SLC44A2: variants seen among roughly 807,000 people sequenced by gnomAD.
The protein encoded by SLC44A2 is solute carrier family 44 member 2 (CTL2 blood group), also known as choline transporter-like protein 2.
In SLC44A2, 57 loss-of-function variants were observed where a neutral mutation model predicts 90.8. The ratio of observed to expected loss-of-function variants is 0.63; its 90% CI spans 0.51 to 0.78. The LOEUF (loss-of-function observed/expected upper bound fraction) is 0.78. Ranked by LOEUF, SLC44A2 falls within the 30% of genes least tolerant of loss-of-function variation. The pLI is 0.00. For missense variants in SLC44A2, 794 were observed against 919.7 expected (o/e 0.86, Z 1.77); for synonymous variants, 355 against 360.7 (o/e 0.98, Z 0.18).
upstream of SLC44A2, chr19:10,602,496 C>G (rs1217892975): frequency 8.0e-7 from 1 of 1,243,694 alleles, no homozygotes; most frequent in African/African-American, 1.6e-5. Flanking sequence ...TGGGGTCGCG[C>G]TGGCTCGGAC....
upstream of SLC44A2, among the ~76,000 whole-genome samples, chr19:10,624,431 G>A (rs1210601828): frequency 2.6e-5 from 4 of 152,106 alleles, no homozygotes; most frequent in East Asian, 5.8e-4. Context: ...AGCTTCCCAA[G>A]TAGCTGGGAT....
chr19:10,613,943 T>A (rs1442499842), intron 1 of SLC44A2, among the ~76,000 whole-genome samples: 1 of 152,010 alleles, frequency 6.6e-6, no homozygotes, highest in Non-Finnish European at 1.5e-5. Flanking sequence ...TGTGAGATAA[T>A]AAATTTGTGG....
In SLC44A2 at chr19:10,635,249, C is replaced by T. The variant is rs979719604; in HGVS notation, c.1142C>T (p.Thr381Ile). 3.7e-6 allele frequency: 6 copies of T among 1,613,912 alleles called. No individual in the cohort carries two copies. In the African/African-American group the frequency reaches 8.0e-5, roughly 22 times the overall value. Reference protein sequence around the residue: ...LCLCIAYWASTAVFLSTSNEA... With the variant: ...LCLCIAYWASIAVFLSTSNEA... ...CTCTGCATCGCCTACTGGGCCAGCA[C>T]TGCTGTGTATCTGCCCCCAGACACT... is the stretch of plus-strand genomic sequence containing the variant. The change falls in exon 13 of 22, where the codon ACT (threonine) becomes ATT (isoleucine). Residue 381 changes from threonine (T) to isoleucine (I), a missense_variant. This residue lies in a region of SLC44A2 where 738 missense variants were observed against 841.1 expected (regional missense o/e 0.88). Coordinates refer to ENST00000335757, the MANE Select transcript of SLC44A2 (RefSeq NM_020428.4).
In SLC44A2 at chr19:10,643,496, G is replaced by A; in HGVS notation, c.*111G>A. The A allele has an allele frequency of 7.8e-7, 1 of 1,282,266 alleles. No homozygotes were observed. The highest frequency in any genetic ancestry group is 2.6e-5 in the East Asian group (1 of 38,554). The allele number at this position is 1,282,266 out of a possible 1,614,324, so 79.4% of individuals were successfully genotyped here. A position where few individuals can be genotyped will look rare whatever the true frequency, so the allele number is the denominator to read the frequency against. Reference sequence around the variant, plus strand: ...CCTGAAGTCCTATCACTGCCGCTCTGCCCCTCCCCATGAGCCAGATCCCAC... The same window carrying A: ...CCTGAAGTCCTATCACTGCCGCTCTACCCCTCCCCATGAGCCAGATCCCAC... On this transcript the variant is annotated 3_prime_UTR_variant, in exon 22 of 22. Transcript: ENST00000335757.
At chr19:10,604,124 G>C (rs545091337) in intron 1 of SLC44A2, among the ~76,000 whole-genome samples, 1 of 152,292 alleles carries the variant, frequency 6.6e-6, no homozygotes, top group South Asian at 2.1e-4. Flanking sequence ...GCAGTGAATA[G>C]ACCAGTGAAA....
intron 13 of SLC44A2, 64 bp downstream of exon 13, chr19:10,635,319 G>A (rs2067042167): frequency 1.2e-6 from 2 of 1,607,074 alleles, no homozygotes; most frequent in African/African-American, 1.3e-5. Context: ...TTGCCTAGAA[G>A]TGACCTGCAG....
chr19:10,637,351 C>CA (rs1258006332), intron 16 of SLC44A2, among the ~76,000 whole-genome samples: 4 of 151,274 alleles, frequency 2.6e-5, no homozygotes, highest in Admixed American at 2.0e-4. Flanking sequence ...GACTCCATTT[C>CA]AAAAAAAGGA....
rs1333968058 is a variant in SLC44A2, at chr19:10,631,864, C to T, written c.627-4C>T. The T allele has an allele frequency of 1.2e-6, 2 of 1,614,236 alleles. No individual in the cohort carries two copies. The highest frequency in any genetic ancestry group is 1.7e-5 in the Admixed American group (1 of 60,024). ...TGACCCGAGCCTTGTCCTCCTTCCC[C>T]CAGGAAAGCCAATGGAGTCCTAGAG... is the stretch of plus-strand genomic sequence containing the variant. On this transcript the variant is annotated splice_region_variant and splice_polypyrimidine_tract_variant and intron_variant, in intron 8 of 21. Transcript: ENST00000335757.
intron 10 of SLC44A2, 130 bp from the exon 11 acceptor site, chr19:10,634,626 G>A: frequency 7.6e-7 from 1 of 1,307,644 alleles, no homozygotes. Context: ...ACCGGGCGGT[G>A]GGAACTGCAA....
chr19:10,608,578 C>T (rs1371873048), intron 1 of SLC44A2, among the ~76,000 whole-genome samples: 1 of 151,860 alleles, frequency 6.6e-6, no homozygotes, highest in Non-Finnish European at 1.5e-5. Flanking sequence ...AGAACATTTC[C>T]AGGGCCCTGT....
chr19:10,614,707 A>T (rs1452611443), intron 1 of SLC44A2, among the ~76,000 whole-genome samples: 1 of 152,172 alleles, frequency 6.6e-6, no homozygotes, highest in Non-Finnish European at 1.5e-5. Context: ...GCGGTGGCTC[A>T]CGCCGATAAT....
chr19:10,636,252 C>G, intron 14 of SLC44A2, 71 bp from the exon 15 acceptor site: 1 of 1,536,802 alleles, frequency 6.5e-7, no homozygotes, highest in South Asian at 1.2e-5. Flanking sequence ...TGGCCCCACA[C>G]CTGATGCTCA....
chr19:10,635,107 G>A (rs780726126), intron 12 of SLC44A2, 34 bp downstream of exon 12: 3 of 1,613,614 alleles, frequency 1.9e-6, no homozygotes, highest in Non-Finnish European at 2.5e-6. Flanking sequence ...CCAGGATGGA[G>A]CTGTCCCTAG....
rs1440697598 is a variant in SLC44A2 at position 10,627,362 on chromosome 19, C to G, written c.87-360C>G. Reference sequence around the variant, plus strand: ...TCTAGCTTGGGCAACATAGCGAGACCTTGTCTCTACAGAATGTATATAAAT... The same window carrying G: ...TCTAGCTTGGGCAACATAGCGAGACGTTGTCTCTACAGAATGTATATAAAT... On this transcript the variant is annotated intron_variant, in intron 2 of 21. Transcript: ENST00000335757. Among the ~76,000 whole-genome samples, 2 of 151,238 alleles carry G rather than the reference C, an allele frequency of 1.3e-5. 1 individual carries two copies. Among genetic ancestry groups the G allele is most frequent in the South Asian group, 4.2e-4 (2 of 4,768 alleles).
chr19:10,627,878 T>G, intron 3 of SLC44A2, 42 bp from the exon 4 acceptor site: 1 of 1,611,840 alleles, frequency 6.2e-7, no homozygotes, highest in Non-Finnish European at 8.5e-7. Context: ...GGGCTGGATC[T>G]GAGGAGTGGC....
chr19:10,632,571 C>T (rs188214652), intron 10 of SLC44A2, among the ~76,000 whole-genome samples: 4 of 151,698 alleles, frequency 2.6e-5, no homozygotes, highest in Admixed American at 1.3e-4. Flanking sequence ...GTCTCAGCAC[C>T]GTAGTTAAGG....
At chr19:10,602,600 C>T (rs2144792563) in intron 1 of SLC44A2, 2 of 1,252,460 alleles carry the variant, frequency 1.6e-6, no homozygotes, top group South Asian at 3.5e-5. Flanking sequence ...CTCTGCTGAC[C>T]TGCGGGTGGG....
intron 4 of SLC44A2, among the ~76,000 whole-genome samples, chr19:10,629,679 G>A (rs1057466325): frequency 6.6e-6 from 1 of 152,028 alleles, no homozygotes; most frequent in Non-Finnish European, 1.5e-5. Context: ...CTGGGCTTAA[G>A]CGATCTTCCC....
chr19:10,625,607 G>C lies in SLC44A2; in HGVS notation c.-27G>C, dbSNP rs567409831. ...AGGGGGCGCGGGAGAGAGCGCGGGC[G>C]GCCGCCGGGGCTGGTCGCCTGCAGG... On this transcript the variant is annotated 5_prime_UTR_variant, in exon 1 of 22. Transcript: ENST00000335757. 8.0e-7 allele frequency: 1 copy of C among 1,243,376 alleles called. No homozygotes were observed. Among genetic ancestry groups the C allele is most frequent in the Non-Finnish European group, 1.0e-6 (1 of 989,742 alleles). The allele number at this position is 1,243,376 out of a possible 1,614,324, so 77.0% of individuals were successfully genotyped here.
Sources: allele counts gnomAD v4.1 joint callset (sites outside exome capture counted in the v4.1 genomes callset), GRCh38; gene constraint gnomAD v4.1.1; regional missense constraint gnomAD v4.1.1; transcripts MANE v1.5; gene names NCBI Gene and HGNC (gene_info 2026-07-23, HGNC 2026-07-21).